CREB5: variants seen among roughly 807,000 people sequenced by gnomAD.
CREB5 encodes the protein cAMP responsive element binding protein 5.
In CREB5, 19 loss-of-function variants were observed where a neutral mutation model predicts 57.1. The ratio of observed to expected loss-of-function variants is 0.33; its 90% CI spans 0.23 to 0.49. The LOEUF is 0.49. Ranked by LOEUF, CREB5 falls within the 20% of genes least tolerant of loss-of-function variation. The pLI is 0.99. For synonymous variants in CREB5, 238 were observed against 238.3 expected (o/e 1.00, Z 0.01); for missense variants, 579 against 671.6 (o/e 0.86, Z 1.52).
Position 28,740,998 on chromosome 7 carries a change from A to ATT in CREB5, c.702+16680_702+16681dup, listed in dbSNP as rs34485539. Among the ~76,000 whole-genome samples, 124 of 145,476 alleles carry ATT rather than the reference A, an allele frequency of 8.5e-4. 1 individual carries two copies. The highest frequency in any genetic ancestry group is 3.6e-3 in the Middle Eastern group (1 of 278). ...GAACGTATTACCTGGCCATGCAGGG[A>ATT]TTTTTTTTTTTTTTTCAACCTTGTT... On this transcript the variant is annotated intron_variant, in intron 7 of 10. Coordinates refer to ENST00000357727, the MANE Select transcript of CREB5 (RefSeq NM_182898.4).
intron 5 of CREB5, among the ~76,000 whole-genome samples, chr7:28,715,800 A>G (rs1469929545): frequency 6.6e-6 from 1 of 152,230 alleles, no homozygotes; most frequent in Non-Finnish European, 1.5e-5. Flanking sequence ...CCAAACATAT[A>G]GGGATCTCAA....
At chr7:28,731,611 G>C in intron 7 of CREB5, among the ~76,000 whole-genome samples, 1 of 152,200 alleles carries the variant, frequency 6.6e-6, no homozygotes, top group South Asian at 2.1e-4. Flanking sequence ...TAGAACCCAG[G>C]TTCCTGATTT....
Position 28,499,512 on chromosome 7 carries a change from G to A in CREB5, c.169+4513G>A, listed in dbSNP as rs139221625. The stretch of plus-strand genomic sequence containing the variant: ...TTCAAGAGTGTTGTGGATCTTTCCC[G>A]CAAGGTAAAACCCAATTGACATCTC... On this transcript the variant is annotated intron_variant, in intron 3 of 10. Transcript: ENST00000357727. Among the ~76,000 whole-genome samples, 88 of 152,214 alleles carry A rather than the reference G, an allele frequency of 5.8e-4. 4 individuals are homozygous for A. Among genetic ancestry groups the A allele is most frequent in the African/African-American group, 2.0e-3 (84 of 41,530 alleles).
intron 1 of CREB5, among the ~76,000 whole-genome samples, chr7:28,383,324 G>C (rs899547142): frequency 6.6e-6 from 1 of 152,194 alleles, no homozygotes; most frequent in Non-Finnish European, 1.5e-5. Context: ...GTGGCAGAAG[G>C]ATGGAAAACT....
intron 1 of CREB5, among the ~76,000 whole-genome samples, chr7:28,385,712 GA>G: frequency 6.6e-6 from 1 of 151,418 alleles, no homozygotes; most frequent in South Asian, 2.1e-4. Flanking sequence ...AATGAAAAAA[GA>G]GGTAAAATGG....
At chr7:28,400,579 G>A (rs867920610) in intron 1 of CREB5, among the ~76,000 whole-genome samples, 1 of 152,168 alleles carries the variant, frequency 6.6e-6, no homozygotes, top group Non-Finnish European at 1.5e-5. Context: ...AACCAGGAAG[G>A]GGGAGGAGAG....
intron 5 of CREB5, among the ~76,000 whole-genome samples, chr7:28,616,434 T>A (rs1797599119): frequency 1.3e-5 from 2 of 152,204 alleles, no homozygotes. Flanking sequence ...TTCAAGCGTG[T>A]GACCCATTTA....
At chr7:28,358,642 C>T (rs1786397258) in intron 1 of CREB5, among the ~76,000 whole-genome samples, 1 of 152,214 alleles carries the variant, frequency 6.6e-6, no homozygotes, top group African/African-American at 2.4e-5. Context: ...GCATCTGCAG[C>T]CGTCCTGCCT....
intron 1 of CREB5, among the ~76,000 whole-genome samples, chr7:28,417,722 A>G (rs1192375530): frequency 1.3e-5 from 2 of 152,218 alleles, no homozygotes; most frequent in East Asian, 1.9e-4. Flanking sequence ...CTATGATTCT[A>G]TTTCAGGAAA....
intron 1 of CREB5, among the ~76,000 whole-genome samples, chr7:28,399,956 G>T (rs921716506): frequency 2.0e-5 from 3 of 152,146 alleles, no homozygotes; most frequent in African/African-American, 7.2e-5. Flanking sequence ...TACTCGGGAG[G>T]CTGAGGCAGG....
intron 1 of CREB5, among the ~76,000 whole-genome samples, chr7:28,473,652 C>A (rs908738183): frequency 6.6e-6 from 1 of 152,188 alleles, no homozygotes; most frequent in Non-Finnish European, 1.5e-5. Context: ...AGTGGCTTTC[C>A]CAGATGCCTT....
intron 4 of CREB5, among the ~76,000 whole-genome samples, chr7:28,535,551 T>A (rs1045096917): frequency 2.6e-5 from 4 of 151,896 alleles, no homozygotes; most frequent in Admixed American, 6.6e-5. Context: ...AAACCCTGGA[T>A]TTTCAGACAC....
intron 1 of CREB5, among the ~76,000 whole-genome samples, chr7:28,457,538 G>A (rs1431568661): frequency 6.6e-6 from 1 of 152,162 alleles, no homozygotes; most frequent in Admixed American, 6.5e-5. Context: ...GAAGGTACTA[G>A]ATGAGAAGCA....
In CREB5 at chr7:28,383,513, A is replaced by T. The variant is rs183699011; in HGVS notation, c.-25+84072A>T. The stretch of plus-strand genomic sequence containing the variant: ...TAGCATCTGCTGAGACCTCAGGAAG[A>T]TTTAATGGCGGAAGGTGAAGTGGGT... On this transcript the variant is annotated intron_variant, in intron 1 of 9. Transcript: ENST00000396299. 1.4e-3 allele frequency among the ~76,000 whole-genome samples: 220 copies of T among 152,310 alleles called. 1 individual carries two copies. The highest frequency in any genetic ancestry group is 6.8e-3 in the Middle Eastern group (2 of 294).
intron 1 of CREB5, among the ~76,000 whole-genome samples, chr7:28,365,490 A>G (rs1275412640): frequency 6.6e-6 from 1 of 152,092 alleles, no homozygotes; most frequent in East Asian, 1.9e-4. Context: ...CCATCAGCAA[A>G]CAAAGGCATT....
intron 1 of CREB5, among the ~76,000 whole-genome samples, chr7:28,476,921 A>C (rs1791094608): frequency 1.3e-5 from 2 of 152,242 alleles, no homozygotes; most frequent in South Asian, 4.1e-4. Context: ...ATGGCCATTA[A>C]AATTCTGCTT....
chr7:28,390,242 G>C (rs1787190096), intron 1 of CREB5, among the ~76,000 whole-genome samples: 1 of 152,108 alleles, frequency 6.6e-6, no homozygotes, highest in African/African-American at 2.4e-5. Flanking sequence ...GGTGTTCACG[G>C]AGATAAGTTA....
Position 28,763,122 on chromosome 7 carries a change from G to A in CREB5, c.702+38790G>A, listed in dbSNP as rs76357038. Among the ~76,000 whole-genome samples the A allele has an allele frequency of 9.2e-5, 14 of 152,030 alleles. No individual in the cohort carries two copies. The East Asian group carries it at 2.7e-3, about 29-fold the overall frequency. Reference sequence around the variant, plus strand: ...TTCCAGGGCATCTTGAGGGTGATCAGATCAGAATTTCCCTTGTCTTTCCTG... The same window carrying A: ...TTCCAGGGCATCTTGAGGGTGATCAAATCAGAATTTCCCTTGTCTTTCCTG... On this transcript the variant is annotated intron_variant, in intron 7 of 10. Coordinates refer to ENST00000357727, the MANE Select transcript of CREB5 (RefSeq NM_182898.4).
At chr7:28,768,532 A>G (rs973703121) in intron 7 of CREB5, among the ~76,000 whole-genome samples, 1 of 152,196 alleles carries the variant, frequency 6.6e-6, no homozygotes, top group African/African-American at 2.4e-5. Flanking sequence ...AACAGATCTT[A>G]CCTTGAGGTG....
Sources: allele counts gnomAD v4.1 joint callset (sites outside exome capture counted in the v4.1 genomes callset), GRCh38; gene constraint gnomAD v4.1.1; transcripts MANE v1.5; gene names NCBI Gene and HGNC (gene_info 2026-07-23, HGNC 2026-07-21).